The following PCDHA2 variants were observed in gnomAD, a reference collection of about 807,000 sequenced individuals.
The protein encoded by PCDHA2 is protocadherin alpha-2.
A neutral mutation model predicts 66.0 loss-of-function variants in PCDHA2; 58 were observed. That is an observed-to-expected ratio of 0.88 (90% confidence interval 0.71 to 1.09). The LOEUF is 1.09. Among genes scored for constraint, PCDHA2 ranks in the 50% least tolerant of loss-of-function variants. The pLI, the probability that PCDHA2 is intolerant of heterozygous loss-of-function variation, is 0.00. For synonymous variants in PCDHA2, 634 were observed against 554.0 expected, an observed-to-expected ratio of 1.14 and a Z score of -2.03; for missense variants, 1,267 against 1,242.3, an observed-to-expected ratio of 1.02 and a Z score of -0.30.
chr5:140,796,789 T>C lies in PCDHA2; in HGVS notation c.1825T>C (p.Tyr609His), dbSNP rs1196186829. Residue 609 changes from tyrosine (Y) to histidine (H), a missense_variant, in exon 1 of 4, where the codon TAC becomes CAC. Transcript: ENST00000526136. ...ADSGYNAWLSYELQLGTGSAR... is the reference protein window; with the variant it reads ...ADSGYNAWLSHELQLGTGSAR... Reference sequence around the variant, plus strand: ...CTCAGGCTACAACGCGTGGCTTTCGTACGAGCTTCAGCTGGGTACTGGCAG... The same window carrying C: ...CTCAGGCTACAACGCGTGGCTTTCGCACGAGCTTCAGCTGGGTACTGGCAG... 6.2e-7 allele frequency: 1 copy of C among 1,614,110 alleles called. No homozygotes were observed. The highest frequency in any genetic ancestry group is 8.5e-7 in the Non-Finnish European group (1 of 1,179,966).
chr5:140,886,122 C>T (rs1394228638), intron 1 of PCDHA2, among the ~76,000 whole-genome samples: 1 of 152,116 alleles, frequency 6.6e-6, no homozygotes, highest in Non-Finnish European at 1.5e-5. Context: ...AACATAGTTC[C>T]GTAACAACCA....
Position 140,857,247 on chromosome 5 carries a change from A to G in PCDHA2, c.2388+59895A>G. ...GTTCCGTTCAAGCTGGTGTCCACCT[A>G]CAAGAATTACTACTCATTGGTGCTG... is the stretch of plus-strand genomic sequence containing the variant. On this transcript the variant is annotated intron_variant, in intron 1 of 3. Coordinates refer to ENST00000526136, the MANE Select transcript of PCDHA2 (RefSeq NM_018905.3). 3 of 1,598,564 alleles carry G rather than the reference A, an allele frequency of 1.9e-6. 1 individual carries two copies. Among genetic ancestry groups the G allele is most frequent in the African/African-American group, 2.7e-5 (2 of 74,420 alleles).
At chr5:140,875,391 A>G (rs1582202337) in intron 1 of PCDHA2, 2 of 1,472,582 alleles carry the variant, frequency 1.4e-6, no homozygotes, top group African/African-American at 2.8e-5. Flanking sequence ...ACTTACAGAA[A>G]AGGGTGACTG....
chr5:140,908,756 C>A (rs2074138062), intron 1 of PCDHA2, among the ~76,000 whole-genome samples: 1 of 152,106 alleles, frequency 6.6e-6, no homozygotes, highest in Non-Finnish European at 1.5e-5. Flanking sequence ...TTGCACACAG[C>A]CTGGACGTGT....
intron 1 of PCDHA2, chr5:140,884,210 C>G: frequency 6.2e-7 from 1 of 1,613,532 alleles, no homozygotes; most frequent in South Asian, 1.1e-5. Context: ...CCACCGCCTT[C>G]TGGTGCTGGT....
intron 1 of PCDHA2, chr5:140,967,709 G>T: frequency 6.2e-7 from 1 of 1,614,140 alleles, no homozygotes; most frequent in Non-Finnish European, 8.5e-7. Context: ...TGCCAGTACC[G>T]GGGAAGTGCG....
At chr5:140,850,244 G>A (rs2150475347) in intron 1 of PCDHA2, 2 of 1,593,676 alleles carry the variant, frequency 1.3e-6, no homozygotes, top group East Asian at 2.2e-5. Flanking sequence ...TGGTGCTGCG[G>A]TCGGTGGGCG....
In PCDHA2 at chr5:140,882,516, T is replaced by C. The variant is rs782263799; in HGVS notation, c.2388+85164T>C. ...CTGGAGGTAAATCTGCAGAATGGCA[T>C]TTTGTTTGTGAATTCTCGGATCGAC... is the stretch of plus-strand genomic sequence containing the variant. On this transcript the variant is annotated intron_variant, in intron 1 of 3. Coordinates refer to ENST00000526136, the MANE Select transcript of PCDHA2 (RefSeq NM_018905.3). 1.4e-5 allele frequency: 22 copies of C among 1,614,068 alleles called. No individual in the cohort carries two copies. The highest frequency in any genetic ancestry group is 4.0e-5 in the African/African-American group (3 of 74,944).
At chr5:141,009,104 T>G (rs2098399543) in intron 3 of PCDHA2, among the ~76,000 whole-genome samples, 1 of 152,220 alleles carries the variant, frequency 6.6e-6, no homozygotes, top group Non-Finnish European at 1.5e-5. Flanking sequence ...CATATGTTAC[T>G]ATGAAACTAG....
intron 1 of PCDHA2, chr5:140,836,168 T>A: frequency 1.2e-6 from 2 of 1,613,802 alleles, no homozygotes; most frequent in Non-Finnish European, 1.7e-6. Flanking sequence ...CGAAGGTACG[T>A]GCAGTTGACG....
chr5:140,877,416 G>A (rs368900600), intron 1 of PCDHA2: 32 of 1,613,802 alleles, frequency 2.0e-5, no homozygotes, highest in Non-Finnish European at 2.7e-5. Flanking sequence ...ACCGCCTGCT[G>A]GTGCTGGTGA....
Position 140,884,627 on chromosome 5 carries a change from G to C in PCDHA2, c.2388+87275G>C, listed in dbSNP as rs140550923. On this transcript the variant is annotated intron_variant, in intron 1 of 3. Transcript: ENST00000526136. ...TTGTCTGGGTTCTGCAGAGGGAACA[G>C]GCCAGAGGGAGGAGGACTCAGAATG... The C allele has an allele frequency of 4.8e-5, 77 of 1,612,780 alleles. No individual in the cohort carries two copies. In the African/African-American group the frequency reaches 8.8e-4, roughly 18 times the overall value.
chr5:140,875,989 A>G (rs782628581), intron 1 of PCDHA2: 1 of 1,613,992 alleles, frequency 6.2e-7, no homozygotes, highest in South Asian at 1.1e-5. Flanking sequence ...CTATGCGTTA[A>G]GTCTAAATGA....
intron 1 of PCDHA2, chr5:140,875,972 T>C (rs782102743): frequency 3.1e-6 from 5 of 1,614,068 alleles, no homozygotes; most frequent in Non-Finnish European, 4.2e-6. Flanking sequence ...GTAAACTCTC[T>C]TTTGACCTAT....
intron 1 of PCDHA2, among the ~76,000 whole-genome samples, chr5:140,975,004 T>C (rs1464460351): frequency 2.6e-5 from 4 of 152,170 alleles, no homozygotes; most frequent in African/African-American, 9.7e-5. Flanking sequence ...AAGGCTGAAA[T>C]GAACACAGCT....
rs1476746131 is a variant in PCDHA2, at chr5:140,870,515, G to A, written c.2388+73163G>A. 8.7e-6 allele frequency: 14 copies of A among 1,614,236 alleles called. No homozygotes were observed. Among genetic ancestry groups the A allele is most frequent in the Non-Finnish European group, 1.1e-5 (13 of 1,180,048 alleles). On this transcript the variant is annotated intron_variant, in intron 1 of 3. Transcript: ENST00000526136. The stretch of plus-strand genomic sequence containing the variant: ...GTGAAGGAGAACAACCCACCAGGCT[G>A]CCACATCTTCACAGTGTCGGCGCGG...
chr5:140,919,706 C>T (rs2079272649), intron 1 of PCDHA2, among the ~76,000 whole-genome samples: 1 of 152,048 alleles, frequency 6.6e-6, no homozygotes, highest in African/African-American at 2.4e-5. Flanking sequence ...TAACTTAATT[C>T]TAGTGAGATA....
chr5:140,805,334 TG>T (rs1360403041), intron 1 of PCDHA2: 49 of 1,235,068 alleles, frequency 4.0e-5, no homozygotes, highest in Non-Finnish European at 4.7e-5. Flanking sequence ...TTGATGTCAA[TG>T]ATCATTTTGT....
At position 140,978,992 on chromosome 5, in the gene PCDHA2, G is replaced by T. The variant is rs1363421000; in HGVS notation, c.2432G>T (p.Arg811Ile). The change falls in exon 2 of 4, where the codon AGA (arginine) becomes ATA (isoleucine). Residue 811 changes from arginine to isoleucine, a missense_variant. Arg to Ile is a moderately conservative substitution (Grantham distance 97). Transcript: ENST00000526136. ...NPDWRYSASL[R>I]AGMHSSVHLE... Reference sequence around the variant, plus strand: ...GACTGGCGTTACTCTGCCTCCCTGAGAGCAGGCATGCACAGGTATGTATTT... The same window carrying T: ...GACTGGCGTTACTCTGCCTCCCTGATAGCAGGCATGCACAGGTATGTATTT... The T allele has an allele frequency of 8.1e-6, 13 of 1,614,060 alleles. No homozygotes were observed. Among genetic ancestry groups the T allele is most frequent in the Non-Finnish European group, 1.1e-5 (13 of 1,180,034 alleles).
Sources: gnomAD v4.1 joint callset for allele counts (sites outside exome capture counted in the v4.1 genomes callset) on GRCh38, gnomAD v4.1.1 for gene constraint, MANE v1.5 for transcripts, NCBI Gene and HGNC (gene_info 2026-07-23, HGNC 2026-07-21) for gene names.